The following PGAP4 variants were observed in gnomAD, a reference collection of about 807,000 sequenced individuals.
The protein encoded by PGAP4 is GPI-N-acetylgalactosamine transferase PGAP4.
In PGAP4, 12 loss-of-function variants were observed where a neutral mutation model predicts 28.2. The ratio of observed to expected loss-of-function variants is 0.42; its 90% CI spans 0.27 to 0.69. PGAP4 has a LOEUF of 0.69. Ranked by LOEUF, PGAP4 falls within the 30% of genes least tolerant of loss-of-function variation. The pLI is 0.22. For missense variants in PGAP4, 425 were observed against 513.5 expected, an observed-to-expected ratio of 0.83 and a Z score of 1.67; for synonymous variants, 205 against 211.8, an observed-to-expected ratio of 0.97 and a Z score of 0.28.
At chr9:101,485,781 C>T (rs68067101) in intron 1 of PGAP4, among the ~76,000 whole-genome samples, 35,278 of 152,096 alleles carry the variant, frequency 0.23, 4,347 homozygotes, top group East Asian at 0.42. Context: ...TTTTATTTTG[C>T]TTCTCCTTTG....
chr9:101,474,098 T>C lies in PGAP4; in HGVS notation c.*1783A>G, dbSNP rs1588188386. ...ACAAAAGAGACTTTGACCACATAGA[T>C]ATTCATAAAATTAATGTGGTTAAGA... On this transcript the variant is annotated 3_prime_UTR_variant, in exon 2 of 2. Coordinates refer to ENST00000374848, the MANE Select transcript of PGAP4 (RefSeq NM_032342.3). 1.3e-5 allele frequency: 2 copies of C among 152,324 alleles called. 1 individual carries two copies. Among genetic ancestry groups the C allele is most frequent in the South Asian group, 4.1e-4 (2 of 4,824 alleles). The allele number at this position is 152,324 out of a possible 1,614,324, so 9.4% of individuals were successfully genotyped here.
chr9:101,484,178 T>G (rs1444897269), intron 1 of PGAP4, among the ~76,000 whole-genome samples: 12 of 148,620 alleles, frequency 8.1e-5, no homozygotes, highest in Non-Finnish European at 1.5e-5. Flanking sequence ...TTGTATGCAG[T>G]AGGAAGAAAA....
chr9:101,500,530 G>GTT (rs199578673), intron 2 of PGAP4, among the ~76,000 whole-genome samples: 40 of 144,532 alleles, frequency 2.8e-4, no homozygotes, highest in South Asian at 1.7e-3. Context: ...TGCAAGACTT[G>GTT]TTTTTTTTTT....
exon 2 of PGAP4, chr9:101,531,449 T>C (rs1827089204): frequency 6.6e-6 from 1 of 152,218 alleles, no homozygotes; most frequent in Non-Finnish European, 1.5e-5. Flanking sequence ...ACTCAGTTGA[T>C]TGGCTCCATT....
intron 2 of PGAP4, among the ~76,000 whole-genome samples, chr9:101,504,579 A>G (rs1020477081): frequency 2.0e-5 from 3 of 151,864 alleles, no homozygotes; most frequent in African/African-American, 7.3e-5. Flanking sequence ...GCTGTCTTTT[A>G]CATTTGAGCA....
chr9:101,482,613 C>T (rs1038828605), intron 1 of PGAP4, among the ~76,000 whole-genome samples: 41 of 152,280 alleles, frequency 2.7e-4, no homozygotes, highest in African/African-American at 9.4e-4. Context: ...AGAATAAAGT[C>T]CAAATTATTT....
chr9:101,488,697 T>C (rs1588202384), upstream of PGAP4, among the ~76,000 whole-genome samples: 1 of 152,236 alleles, frequency 6.6e-6, no homozygotes, highest in African/African-American at 2.4e-5. Flanking sequence ...ACTAGTCACA[T>C]GTAACTACTT....
intron 2 of PGAP4, among the ~76,000 whole-genome samples, chr9:101,495,700 G>T (rs1340795519): frequency 1.3e-5 from 2 of 150,174 alleles, no homozygotes; most frequent in South Asian, 2.1e-4. Flanking sequence ...GGTTAAAAGG[G>T]TTATTTTTTT....
intron 1 of PGAP4, among the ~76,000 whole-genome samples, chr9:101,478,736 G>A (rs894429625): frequency 1.2e-4 from 18 of 152,162 alleles, no homozygotes; most frequent in African/African-American, 3.9e-4. Context: ...CAGAAGCCTG[G>A]GTCCTTGAAT....
At chr9:101,517,650 A>G (rs191858159) in intron 2 of PGAP4, among the ~76,000 whole-genome samples, 15 of 152,286 alleles carry the variant, frequency 9.8e-5, no homozygotes, top group Admixed American at 7.8e-4. Context: ...GGGGGAGGCA[A>G]TGAGTAGGAC....
chr9:101,529,586 G>A (rs545767870), intron 2 of PGAP4, among the ~76,000 whole-genome samples: 3 of 152,318 alleles, frequency 2.0e-5, no homozygotes, highest in East Asian at 1.9e-4. Flanking sequence ...GGCAGACCTG[G>A]CTCTAGCTCC....
At chr9:101,532,027 T>G (rs1437410429) in intron 1 of PGAP4, among the ~76,000 whole-genome samples, 1 of 152,244 alleles carries the variant, frequency 6.6e-6, no homozygotes, top group Non-Finnish European at 1.5e-5. Context: ...CTCAGCACTT[T>G]GGGAGGCTGA....
At chr9:101,501,861 T>C (rs1274087593) in intron 2 of PGAP4, 5 of 466,174 alleles carry the variant, frequency 1.1e-5, no homozygotes, top group Non-Finnish European at 1.3e-5. Flanking sequence ...GTTCAGATCC[T>C]CTGACTGATG....
chr9:101,501,388 A>C (rs1291379150), intron 2 of PGAP4, among the ~76,000 whole-genome samples: 2 of 152,096 alleles, frequency 1.3e-5, no homozygotes, highest in Non-Finnish European at 2.9e-5. Context: ...TTCCATTGAC[A>C]AGCAGGAAGA....
At chr9:101,478,879 A>G (rs1397104090) in intron 1 of PGAP4, among the ~76,000 whole-genome samples, 2 of 152,208 alleles carry the variant, frequency 1.3e-5, no homozygotes, top group African/African-American at 2.4e-5. Flanking sequence ...CTAGACACCA[A>G]TAATTTTTGG....
At chr9:101,518,259 C>T (rs1298602899) in intron 2 of PGAP4, among the ~76,000 whole-genome samples, 1 of 152,050 alleles carries the variant, frequency 6.6e-6, no homozygotes, top group Non-Finnish European at 1.5e-5. Context: ...GTATATGTAG[C>T]ACATTTTCTT....
intron 2 of PGAP4, among the ~76,000 whole-genome samples, chr9:101,524,889 G>A (rs1490463143): frequency 6.6e-6 from 1 of 152,150 alleles, no homozygotes; most frequent in African/African-American, 2.4e-5. Context: ...CGGGATTGCT[G>A]GTTTGTTCTT....
intron 2 of PGAP4, among the ~76,000 whole-genome samples, chr9:101,525,595 T>G (rs924552861): frequency 1.1e-4 from 17 of 148,848 alleles, no homozygotes; most frequent in African/African-American, 4.2e-4. Context: ...TAATCTCAGC[T>G]ACTCAGGAAG....
chr9:101,482,272 G>A (rs1332453310), intron 1 of PGAP4, among the ~76,000 whole-genome samples: 9 of 152,064 alleles, frequency 5.9e-5, no homozygotes, highest in Admixed American at 3.3e-4. Context: ...ATGGTGAAAC[G>A]CCATCTCTAC....
Sources: allele counts gnomAD v4.1 joint callset (sites outside exome capture counted in the v4.1 genomes callset), GRCh38; gene constraint gnomAD v4.1.1; transcripts MANE v1.5; gene names NCBI Gene and HGNC (gene_info 2026-07-23, HGNC 2026-07-21).